RNF180: variants seen among roughly 807,000 people sequenced by gnomAD.
RNF180 encodes ring finger protein 180.
A neutral mutation model predicts 59.2 loss-of-function variants in RNF180; 38 were observed. The ratio of observed to expected loss-of-function variants is 0.64; its 90% CI spans 0.50 to 0.84. The LOEUF is 0.84. RNF180 is among the 40% of genes least tolerant of loss of function. The probability of loss-of-function intolerance (pLI) is 0.00; values close to 1 mark genes in which losing one functional copy is unlikely to be tolerated. For synonymous variants in RNF180, 262 were observed against 240.3 expected (o/e 1.09, Z -0.84); for missense variants, 705 against 700.9 (o/e 1.01, Z -0.07).
At chr5:64,192,817 T>G (rs1431281945) in intron 1 of RNF180, among the ~76,000 whole-genome samples, 1 of 150,126 alleles carries the variant, frequency 6.7e-6, no homozygotes, top group Non-Finnish European at 1.5e-5. Context: ...CTCATGTTCA[T>G]TTCAGCATTA....
intron 2 of RNF180, among the ~76,000 whole-genome samples, chr5:64,201,345 G>A (rs1001184415): frequency 2.6e-5 from 4 of 152,054 alleles, no homozygotes; most frequent in Admixed American, 2.0e-4. Flanking sequence ...TTCACTATGG[G>A]CCTAGAAAAG....
At chr5:64,249,286 TAA>T (rs1010375682) in intron 5 of RNF180, among the ~76,000 whole-genome samples, 1 of 152,044 alleles carries the variant, frequency 6.6e-6, no homozygotes, top group Non-Finnish European at 1.5e-5. Flanking sequence ...TGTCAAAACT[TAA>T]AGACAGAGAG....
At position 64,192,928 on chromosome 5, in the gene RNF180, TATATATATATAA is replaced by T. The variant is rs1287390499; in HGVS notation, c.1-7878_1-7867del. On this transcript the variant is annotated intron_variant, in intron 1 of 7. Transcript: ENST00000389100. ...GTATATATATATATATATATATATATATATATATATAAAATGAAACATTCAGCATCGAAAAAG... is the reference window on the plus strand; with the variant it reads ...GTATATATATATATATATATATATATAATGAAACATTCAGCATCGAAAAAG... Among the ~76,000 whole-genome samples, 250 of 118,962 alleles carry T rather than the reference TATATATATATAA, an allele frequency of 2.1e-3. 5 individuals are homozygous for T. The highest frequency in any genetic ancestry group is 8.7e-3 in the African/African-American group (236 of 26,986). 78.0% of individuals were successfully genotyped at this position (118,962 alleles called of 152,430 possible). A position where few individuals can be genotyped will look rare whatever the true frequency, so the allele number is the denominator to read the frequency against.
chr5:64,229,252 A>G (rs1028946153), intron 5 of RNF180, among the ~76,000 whole-genome samples: 9 of 152,128 alleles, frequency 5.9e-5, no homozygotes, highest in East Asian at 3.9e-4. Context: ...AAATAATTAC[A>G]TATCTGTGCT....
chr5:64,191,187 T>G (rs1212360107), intron 1 of RNF180, among the ~76,000 whole-genome samples: 1 of 152,182 alleles, frequency 6.6e-6, no homozygotes, highest in African/African-American at 2.4e-5. Flanking sequence ...TACAGAAAGT[T>G]CCCATTTATT....
chr5:64,326,587 G>A (rs912374711), intron 6 of RNF180, among the ~76,000 whole-genome samples: 3 of 152,090 alleles, frequency 2.0e-5, no homozygotes, highest in African/African-American at 4.8e-5. Flanking sequence ...AGGAAAAGAT[G>A]AAAATAAGAT....
intron 5 of RNF180, among the ~76,000 whole-genome samples, chr5:64,256,866 CTT>C (rs1186177427): frequency 6.6e-6 from 1 of 152,150 alleles, no homozygotes; most frequent in African/African-American, 2.4e-5. Flanking sequence ...TTTGTGTCCT[CTT>C]TTATTTCGTT....
At position 64,325,322 on chromosome 5, in the gene RNF180, C is replaced by T. The variant is rs1335188229; in HGVS notation, c.1364C>T (p.Pro455Leu). 6.4e-7 allele frequency: 1 copy of T among 1,551,430 alleles called. No individual in the cohort carries two copies. The highest frequency in any genetic ancestry group is 8.7e-7 in the Non-Finnish European group (1 of 1,146,886). The change falls in exon 6 of 8, where the codon CCC (proline) becomes CTC (leucine). Residue 455 changes from proline to leucine, a missense_variant. Coordinates refer to ENST00000389100, the MANE Select transcript of RNF180 (RefSeq NM_001113561.2). Reference sequence around the variant, plus strand: ...CCTTGCCATCACATCTTCTGTGAGCCCTGCTTACGGACTCTGGCCAAAGAC... The same window carrying T: ...CCTTGCCATCACATCTTCTGTGAGCTCTGCTTACGGACTCTGGCCAAAGAC... ...CYPCHHIFCE[P>L]CLRTLAKDNP...
At chr5:64,184,569 T>C (rs893420543) in intron 1 of RNF180, among the ~76,000 whole-genome samples, 1 of 152,180 alleles carries the variant, frequency 6.6e-6, no homozygotes, top group African/African-American at 2.4e-5. Context: ...AACTGCTTGA[T>C]TGGATTCTTT....
chr5:64,325,382 C>G lies in RNF180; in HGVS notation c.1424C>G (p.Thr475Arg). The change falls in exon 6 of 8, where the codon ACA becomes AGA. Residue 475 changes from threonine to arginine, a missense_variant. Coordinates refer to ENST00000389100, the MANE Select transcript of RNF180 (RefSeq NM_001113561.2). Reference sequence around the variant, plus strand: ...AGCACTCCATGCCCATTGTGTCGGACAATTATTTCTAGAGTCTTTTTCCAA... The same window carrying G: ...AGCACTCCATGCCCATTGTGTCGGAGAATTATTTCTAGAGTCTTTTTCCAA... Reference protein sequence around the residue: ...PSSTPCPLCRTIISRVFFQTE... With the variant: ...PSSTPCPLCRRIISRVFFQTE... 1 of 1,551,256 alleles carries G rather than the reference C, an allele frequency of 6.4e-7. No individual in the cohort carries two copies. Among genetic ancestry groups the G allele is most frequent in the Non-Finnish European group, 8.7e-7 (1 of 1,146,562 alleles).
At chr5:64,208,114 GTT>G (rs1337814160) in intron 2 of RNF180, among the ~76,000 whole-genome samples, 1 of 151,904 alleles carries the variant, frequency 6.6e-6, no homozygotes, top group Non-Finnish European at 1.5e-5. Context: ...ATATTTTTCT[GTT>G]ATAGAAACTG....
At chr5:64,171,842 GC>G (rs528136384) in intron 1 of RNF180, among the ~76,000 whole-genome samples, 2 of 150,830 alleles carry the variant, frequency 1.3e-5, no homozygotes, top group Admixed American at 1.3e-4. Flanking sequence ...TCTCCACCCC[GC>G]CCCCCCACCA....
chr5:64,167,714 G>C (rs1045207330), intron 1 of RNF180, among the ~76,000 whole-genome samples: 1 of 152,068 alleles, frequency 6.6e-6, no homozygotes, highest in Non-Finnish European at 1.5e-5. Context: ...TCATTAAGGA[G>C]CATAAAGATT....
chr5:64,233,247 A>G (rs534100848), intron 5 of RNF180, among the ~76,000 whole-genome samples: 2 of 152,364 alleles, frequency 1.3e-5, no homozygotes, highest in African/African-American at 4.8e-5. Flanking sequence ...TAAGTACCCA[A>G]TCATTGGTAG....
At chr5:64,354,719 T>C (rs964966320) in intron 7 of RNF180, among the ~76,000 whole-genome samples, 2 of 151,862 alleles carry the variant, frequency 1.3e-5, no homozygotes, top group African/African-American at 4.8e-5. Flanking sequence ...TCTAATAGCA[T>C]ATTAAAAGGA....
intron 5 of RNF180, among the ~76,000 whole-genome samples, chr5:64,225,926 G>A (rs1741712069): frequency 7.4e-6 from 1 of 134,850 alleles, no homozygotes; most frequent in African/African-American, 2.8e-5. Context: ...CATCTGGGAA[G>A]TGAGGAGCGC....
chr5:64,274,486 G>C (rs1210349232), intron 5 of RNF180, among the ~76,000 whole-genome samples: 4 of 151,988 alleles, frequency 2.6e-5, no homozygotes, highest in Admixed American at 1.3e-4. Flanking sequence ...TTTATCTTTA[G>C]TGGGCATTGT....
intron 5 of RNF180, among the ~76,000 whole-genome samples, chr5:64,267,411 T>C: frequency 6.6e-6 from 1 of 152,110 alleles, no homozygotes; most frequent in Admixed American, 6.6e-5. Context: ...TGCAGGTTAG[T>C]TACATATGTA....
chr5:64,302,605 C>T (rs1743215140), intron 5 of RNF180, among the ~76,000 whole-genome samples: 1 of 151,606 alleles, frequency 6.6e-6, no homozygotes, highest in Non-Finnish European at 1.5e-5. Context: ...GCAGAACTGT[C>T]TAAACCTTAG....
Sources: allele counts gnomAD v4.1 joint callset (sites outside exome capture counted in the v4.1 genomes callset), GRCh38; gene constraint gnomAD v4.1.1; transcripts MANE v1.5; gene names NCBI Gene and HGNC (gene_info 2026-07-23, HGNC 2026-07-21).